The following CYP4A11 variants were observed in gnomAD, a reference collection of about 807,000 sequenced individuals.
CYP4A11 encodes cytochrome P450 family 4 subfamily A member 11.
A neutral mutation model predicts 57.7 loss-of-function variants in CYP4A11; 52 were observed. That is an observed-to-expected ratio of 0.90 (90% confidence interval 0.72 to 1.14). The LOEUF is 1.14. CYP4A11 is among the 50% of genes most tolerant of loss of function. The pLI, the probability that CYP4A11 is intolerant of heterozygous loss-of-function variation, is 0.00. For synonymous variants in CYP4A11, 228 were observed against 247.1 expected (o/e 0.92, Z 0.72); for missense variants, 641 against 642.1 (o/e 1.00, Z 0.02).
In CYP4A11 at chr1:46,934,486, A is replaced by G. The variant is rs12754807; in HGVS notation, c.864T>C (p.His288=). 3.7e-5 allele frequency: 59 copies of G among 1,613,614 alleles called. No homozygotes were observed. The East Asian group carries it at 6.9e-4, about 19-fold the overall frequency. ...GELEKIKRKR[H]LDFLDILLLA... Reference sequence around the variant, plus strand: ...AGAGGAGGATATCCAGAAAATCCAAATGCCTCTTCCTCTTGATCTTCTCCA... The same window carrying G: ...AGAGGAGGATATCCAGAAAATCCAAGTGCCTCTTCCTCTTGATCTTCTCCA... Residue 288 remains histidine (H), a synonymous_variant, in exon 7 of 12, where the codon CAT becomes CAC. Coordinates refer to ENST00000310638, the MANE Select transcript of CYP4A11 (RefSeq NM_000778.4).
chr1:46,930,493 C>G (rs1231311106), intron 11 of CYP4A11, among the ~76,000 whole-genome samples, 183 bp from the exon 12 acceptor site: 2 of 152,198 alleles, frequency 1.3e-5, no homozygotes, highest in Non-Finnish European at 2.9e-5. Flanking sequence ...CTATCCCAAT[C>G]CTTGGACAGA....
At chr1:46,933,089 C>A (rs768890871) in intron 9 of CYP4A11, 42 bp from the exon 10 acceptor site, 1 of 1,612,274 alleles carries the variant, frequency 6.2e-7, no homozygotes, top group Non-Finnish European at 8.5e-7. Context: ...CAATCATTTG[C>A]ATGGGGTGGC....
intron 11 of CYP4A11, among the ~76,000 whole-genome samples, chr1:46,930,865 C>T (rs1680981495): frequency 6.6e-6 from 1 of 152,128 alleles, no homozygotes; most frequent in African/African-American, 2.4e-5. Context: ...GCCCCACCTG[C>T]CTCCCACCCC....
Position 46,934,028 on chromosome 1 carries a change from C to A in CYP4A11, c.1140G>T (p.Leu380=), listed in dbSNP as rs1681208072. 2.5e-6 allele frequency: 4 copies of A among 1,613,954 alleles called. No individual in the cohort carries two copies. The highest frequency in any genetic ancestry group is 3.4e-6 in the Non-Finnish European group (4 of 1,179,990). Residue 380 remains leucine, a synonymous_variant, in exon 9 of 12, where the codon CTG becomes CTT. Transcript: ENST00000310638. The stretch of plus-strand genomic sequence containing the variant: ...TGCCTGGCACCGGTGGGTAGAGCCT[C>A]AGTGCCTCCTTAATGCACATGGTGG... ...PYTTMCIKEA[L]RLYPPVPGIG...
At chr1:46,930,710 G>A (rs1270095765) in intron 11 of CYP4A11, among the ~76,000 whole-genome samples, 1 of 152,176 alleles carries the variant, frequency 6.6e-6, no homozygotes, top group Non-Finnish European at 1.5e-5. Context: ...TAGGGTGAGG[G>A]TGGGCCACAC....
intron 2 of CYP4A11, among the ~76,000 whole-genome samples, chr1:46,937,752 C>T (rs1204970178): frequency 6.6e-6 from 1 of 152,126 alleles, no homozygotes; most frequent in African/African-American, 2.4e-5. Context: ...TTCAGAAAAC[C>T]TCAATTTTCT....
chr1:46,931,738 C>G, intron 11 of CYP4A11: 1 of 657,236 alleles, frequency 1.5e-6, no homozygotes, highest in Non-Finnish European at 1.9e-6. Context: ...TTTCTTAAAG[C>G]CTGTTCTGTG....
At chr1:46,932,345 T>A in intron 11 of CYP4A11, 1 of 1,060,346 alleles carries the variant, frequency 9.4e-7, no homozygotes, top group Non-Finnish European at 1.1e-6. Flanking sequence ...GGGAAGGTAG[T>A]GTGCTGCATT....
At chr1:46,939,925 G>T (rs777662447) in intron 1 of CYP4A11, among the ~76,000 whole-genome samples, 4 of 146,674 alleles carry the variant, frequency 2.7e-5, no homozygotes, top group Non-Finnish European at 6.0e-5. Flanking sequence ...CCCCACATTT[G>T]TTCTGCTCTG....
Position 46,938,034 on chromosome 1 carries a change from T to C in CYP4A11, c.299A>G (p.Tyr100Cys). The change falls in exon 2 of 12, where the codon TAT becomes TGT. Residue 100 changes from tyrosine (Y) to cysteine (C), a missense_variant. Physicochemically the swap from Tyr to Cys is radical, Grantham distance 194. Coordinates refer to ENST00000310638, the MANE Select transcript of CYP4A11 (RefSeq NM_000778.4). ...AATCACCTTCATATAGTCAGGGTCA[T>C]AGAGCTGGACACGAACTTTGCCTCC... Reference protein sequence around the residue: ...LWGGKVRVQLYDPDYMKVILG... With the variant: ...LWGGKVRVQLCDPDYMKVILG... 1 of 1,614,178 alleles carries C rather than the reference T, an allele frequency of 6.2e-7. No individual in the cohort carries two copies.
rs757551399 is a variant in CYP4A11 at position 46,941,265 on chromosome 1, G to T, written c.169C>A (p.His57Asn). The change falls in exon 1 of 12, where the codon CAC becomes AAC. Residue 57 changes from histidine to asparagine, a missense_variant. Coordinates refer to ENST00000310638, the MANE Select transcript of CYP4A11 (RefSeq NM_000778.4). ...ALQQFPCPPS[H>N]WLFGHIQELQ... ...TCCTGGATGTGCCCGAAGAGCCAGT[G>T]GGAGGGAGGGCACGGGAACTGCTGG... 1 of 1,613,714 alleles carries T rather than the reference G, an allele frequency of 6.2e-7. No individual in the cohort carries two copies.
chr1:46,933,881 T>C (rs1169575062), intron 9 of CYP4A11, 65 bp downstream of exon 9: 1 of 1,594,478 alleles, frequency 6.3e-7, no homozygotes. Flanking sequence ...GATGCACACA[T>C]GGATTTCTCA....
Position 46,938,145 on chromosome 1 carries a change from C to G in CYP4A11, c.196-8G>C. The G allele has an allele frequency of 6.2e-7, 1 of 1,614,164 alleles. No homozygotes were observed. Among genetic ancestry groups the G allele is most frequent in the Non-Finnish European group, 8.5e-7 (1 of 1,180,016 alleles). On this transcript the variant is annotated splice_polypyrimidine_tract_variant and splice_region_variant and intron_variant, in intron 1 of 11. Coordinates refer to ENST00000310638, the MANE Select transcript of CYP4A11 (RefSeq NM_000778.4). ...CTCCTGGTCCTGTTGGAGCTGTCAA[C>G]AAGGGTAGACAGATGAACACTTTCA...
Position 46,935,118 on chromosome 1 carries a change from C to T in CYP4A11, c.672G>A (p.Leu224=). ...SQSYIQAISD[L]NNLVFSRVRN... ...TCACACGGGAAAAAACCAGGTTGTT[C>T]AGGTCACTAATGGCCTGTATGTAGG... The change falls in exon 6 of 12, where the codon CTG becomes CTA. Residue 224 remains leucine (L), a synonymous_variant. Coordinates refer to ENST00000310638, the MANE Select transcript of CYP4A11 (RefSeq NM_000778.4). 1 of 1,614,114 alleles carries T rather than the reference C, an allele frequency of 6.2e-7. No individual in the cohort carries two copies. The highest frequency in any genetic ancestry group is 8.5e-7 in the Non-Finnish European group (1 of 1,180,032).
In CYP4A11 at chr1:46,935,015, C is replaced by A. The variant is rs1441096346; in HGVS notation, c.775G>T (p.Ala259Ser). The A allele has an allele frequency of 1.2e-6, 2 of 1,613,762 alleles. No homozygotes were observed. The highest frequency in any genetic ancestry group is 2.7e-5 in the African/African-American group (2 of 74,918). ...AAGACAGAACCTGTGTGCTGATGGG[C>A]CAGCTGGCAGGCGCGGTGTGTCCAG... The part of the protein sequence containing the change: ...GRWTHRACQL[A>S]HQHTDQVIQL... The change falls in exon 6 of 12, where the codon GCC (alanine) becomes TCC (serine). Residue 259 changes from alanine to serine, a missense_variant. Ala to Ser is a moderately conservative substitution (Grantham distance 99, BLOSUM62 1). Coordinates refer to ENST00000310638, the MANE Select transcript of CYP4A11 (RefSeq NM_000778.4).
At chr1:46,933,680 C>T (rs1051564426) in intron 9 of CYP4A11, among the ~76,000 whole-genome samples, 2 of 152,210 alleles carry the variant, frequency 1.3e-5, no homozygotes, top group Non-Finnish European at 2.9e-5. Flanking sequence ...CTCTTTCCAG[C>T]CCTGCACATC....
In CYP4A11 at chr1:46,941,295, C is replaced by T. The variant is rs1681736197; in HGVS notation, c.139G>A (p.Ala47Thr). 6.2e-7 allele frequency: 1 copy of T among 1,614,150 alleles called. No homozygotes were observed. The highest frequency in any genetic ancestry group is 8.5e-7 in the Non-Finnish European group (1 of 1,180,026). Residue 47 changes from alanine to threonine, a missense_variant, in exon 1 of 12, where the codon GCC (alanine) becomes ACC (threonine). By Grantham distance (58) the Ala-to-Thr change is moderately conservative. Coordinates refer to ENST00000310638, the MANE Select transcript of CYP4A11 (RefSeq NM_000778.4). ...LYLHRQWLLK[A>T]LQQFPCPPSH... ...GGAGGGCACGGGAACTGCTGGAGGG[C>T]TTTGAGCAGCCACTGCCTGTGCAGG...
rs755285340 is a variant in CYP4A11 at position 46,930,312 on chromosome 1, T to C, written c.1365-2A>G. On this transcript the variant is annotated splice_acceptor_variant, in intron 11 of 11. Transcript: ENST00000310638. LOFTEE classifies it high-confidence loss of function. ...GCAAATTGTTTCCCGATGCAGTTCCTGGGCCAGGTGGAGATAATGAATTGA... is the reference window on the plus strand; with the variant it reads ...GCAAATTGTTTCCCGATGCAGTTCCCGGGCCAGGTGGAGATAATGAATTGA... 2 of 1,609,666 alleles carry C rather than the reference T, an allele frequency of 1.2e-6. No homozygotes were observed. The highest frequency in any genetic ancestry group is 2.2e-5 in the South Asian group (2 of 90,520).
At position 46,934,198 on chromosome 1, in the gene CYP4A11, C is replaced by G. The variant is rs369208625; in HGVS notation, c.1066G>C (p.Gly356Arg). The part of the protein sequence containing the change: ...RCREEIHSLL[G>R]DGASITWNHL... ...CACCAGGTGATGGAGGCTCCATCAC[C>G]CAGGAGGCTGTGGATCTCCTCCCGG... The change falls in exon 8 of 12, where the codon GGT becomes CGT. Residue 356 changes from glycine to arginine, a missense_variant. Transcript: ENST00000310638. 7.4e-6 allele frequency: 12 copies of G among 1,613,912 alleles called. No homozygotes were observed. Among genetic ancestry groups the G allele is most frequent in the Non-Finnish European group, 1.0e-5 (12 of 1,179,906 alleles).
Sources: allele counts gnomAD v4.1 joint callset (sites outside exome capture counted in the v4.1 genomes callset), GRCh38; gene constraint gnomAD v4.1.1; transcripts MANE v1.5; gene names NCBI Gene and HGNC (gene_info 2026-07-23, HGNC 2026-07-21).